GRK2: variants seen among roughly 807,000 people sequenced by gnomAD.
The protein encoded by GRK2 is adrenergic beta receptor kinase 1.
A neutral mutation model predicts 97.8 loss-of-function variants in GRK2; 23 were observed. The observed-to-expected ratio is 0.24, with a 90% CI of 0.17 to 0.33. GRK2 has a LOEUF of 0.33. GRK2 is among the 10% of genes least tolerant of loss of function. The pLI, the probability that GRK2 is intolerant of heterozygous loss-of-function variation, is 1.00. For synonymous variants in GRK2, 425 were observed against 381.7 expected, an observed-to-expected ratio of 1.11 and a Z score of -1.32; for missense variants, 633 against 956.9, an observed-to-expected ratio of 0.66 and a Z score of 4.47.
chr11:67,274,876 C>T (rs1054130642), intron 1 of GRK2, among the ~76,000 whole-genome samples: 4 of 152,132 alleles, frequency 2.6e-5, no homozygotes, highest in East Asian at 1.9e-4. Flanking sequence ...GGTGTGGACG[C>T]GGGGCCCATC....
rs929285969 is a variant in GRK2 at position 67,280,968 on chromosome 11, GCAAGGATGGC to G, written c.556-122_556-113del. ...GGAGGCCGGAGCAGGTAAATATGTG[GCAAGGATGGC>G]CAGGACATGGGTATGGGGACCCTGG... On this transcript the variant is annotated intron_variant, in intron 7 of 20. Transcript: ENST00000308595. 40 of 1,109,196 alleles carry G rather than the reference GCAAGGATGGC, an allele frequency of 3.6e-5. No homozygotes were observed. In the Admixed American group the frequency reaches 7.2e-4, roughly 20 times the overall value. 68.7% of individuals were successfully genotyped at this position (1,109,196 alleles called of 1,614,324 possible). A position where few individuals can be genotyped will look rare whatever the true frequency, so the allele number is the denominator to read the frequency against.
Position 67,285,359 on chromosome 11 carries a change from G to C in GRK2, c.1979G>C (p.Arg660Pro). ...AYREAQQLVQ[R>P]VPKMKNKPRS... is the part of the protein sequence containing the mutation. Reference sequence around the variant, plus strand: ...CGCGAGGCCCAGCAGCTGGTGCAGCGGGTGCCCAAGATGAAGAACAAGCCG... The same window carrying C: ...CGCGAGGCCCAGCAGCTGGTGCAGCCGGTGCCCAAGATGAAGAACAAGCCG... The change falls in exon 21 of 21, where the codon CGG (arginine) becomes CCG (proline). Residue 660 changes from arginine to proline, a missense_variant. By Grantham distance (103) the Arg-to-Pro change is moderately radical (BLOSUM62 -2). This residue lies in a region of GRK2 where 180 missense variants were observed against 311.3 expected (regional missense o/e 0.58). Transcript: ENST00000308595. 1 of 1,610,090 alleles carries C rather than the reference G, an allele frequency of 6.2e-7. No homozygotes were observed. The highest frequency in any genetic ancestry group is 8.5e-7 in the Non-Finnish European group (1 of 1,179,454).
intron 1 of GRK2, among the ~76,000 whole-genome samples, chr11:67,274,495 CTTTTTT>C (rs57767154): frequency 1.4e-3 from 31 of 22,480 alleles, no homozygotes; most frequent in South Asian, 3.6e-3. Context: ...TGACCAGCAC[CTTTTTT>C]TTTTTTTTTT....
chr11:67,284,411 C>A, intron 18 of GRK2, 38 bp downstream of exon 18: 1 of 1,605,930 alleles, frequency 6.2e-7, no homozygotes, highest in Non-Finnish European at 8.5e-7. Context: ...AGGCCCCTGC[C>A]TGCTTAGAAG....
intron 1 of GRK2, 47 bp from the exon 2 acceptor site, chr11:67,277,218 GCAGCCCC>G: frequency 6.3e-7 from 1 of 1,584,510 alleles, no homozygotes; most frequent in African/African-American, 1.3e-5. Context: ...TTCTGGGCCT[GCAGCCCC>G]CACGGGCTCT....
At chr11:67,280,650 G>T in intron 6 of GRK2, 82 bp from the exon 7 acceptor site, 1 of 1,506,900 alleles carries the variant, frequency 6.6e-7, no homozygotes, top group Non-Finnish European at 9.2e-7. Flanking sequence ...CCCAGGGAGT[G>T]GCGGCTGGGT....
Position 67,285,589 on chromosome 11 carries a change from G to A in GRK2, c.*139G>A, listed in dbSNP as rs1054771550. ...CCAGCCTGGCCCAGCTCCCCCGGGA[G>A]GGGCCCGCTTGCCTCGGCTCCTGCT... On this transcript the variant is annotated 3_prime_UTR_variant, in exon 21 of 21. Coordinates refer to ENST00000308595, the MANE Select transcript of GRK2 (RefSeq NM_001619.5). 1 of 1,173,122 alleles carries A rather than the reference G, an allele frequency of 8.5e-7. No homozygotes were observed. Among genetic ancestry groups the A allele is most frequent in the South Asian group, 1.7e-5 (1 of 58,728 alleles). 72.7% of individuals were successfully genotyped at this position (1,173,122 alleles called of 1,614,324 possible).
intron 6 of GRK2, 156 bp downstream of exon 6, chr11:67,280,056 T>C: frequency 2.8e-6 from 2 of 709,260 alleles, no homozygotes; most frequent in Non-Finnish European, 4.9e-6. Context: ...TCCTGAGAAG[T>C]CAGACAGGCT....
intron 2 of GRK2, 131 bp from the exon 3 acceptor site, chr11:67,279,069 G>T (rs570629180): frequency 8.0e-6 from 6 of 747,878 alleles, no homozygotes; most frequent in South Asian, 1.6e-5. Context: ...CCCACCCCTT[G>T]CCTGGGGCCG....
chr11:67,270,610 C>G (rs1428136212), intron 1 of GRK2, among the ~76,000 whole-genome samples: 1 of 152,214 alleles, frequency 6.6e-6, no homozygotes, highest in Non-Finnish European at 1.5e-5. Context: ...CAGCCTTTGT[C>G]CCTTACCCAG....
At position 67,281,218 on chromosome 11, in the gene GRK2, G is replaced by C. The variant is rs140667699; in HGVS notation, c.647+34G>C. ...CCTGCTCGGCGCGGTGGGATACCTCGGGGAGCCGGGCTCCTGGGGGACCCT... is the reference window on the plus strand; with the variant it reads ...CCTGCTCGGCGCGGTGGGATACCTCCGGGAGCCGGGCTCCTGGGGGACCCT... On this transcript the variant is annotated intron_variant, in intron 8 of 20. Coordinates refer to ENST00000308595, the MANE Select transcript of GRK2 (RefSeq NM_001619.5). This position sits in a 1 kb window ranked among gnomAD's most constrained non-coding sequence, Gnocchi z 5.7. 1 of 1,578,204 alleles carries C rather than the reference G, an allele frequency of 6.3e-7. No homozygotes were observed. Among genetic ancestry groups the C allele is most frequent in the Non-Finnish European group, 8.7e-7 (1 of 1,153,164 alleles).
chr11:67,272,829 G>A (rs1859938823), intron 1 of GRK2, among the ~76,000 whole-genome samples: 1 of 152,268 alleles, frequency 6.6e-6, no homozygotes, highest in Admixed American at 6.5e-5. Context: ...GAGCAGAGGA[G>A]TCCCACCCTG....
chr11:67,270,008 G>A (rs1859874079), intron 1 of GRK2, among the ~76,000 whole-genome samples: 1 of 152,182 alleles, frequency 6.6e-6, no homozygotes, highest in Non-Finnish European at 1.5e-5. Flanking sequence ...CTGGAAGATG[G>A]GAGGTCTGGC....
chr11:67,279,133 C>T (rs762930104), intron 2 of GRK2, 67 bp from the exon 3 acceptor site: 63 of 1,392,090 alleles, frequency 4.5e-5, no homozygotes, highest in Non-Finnish European at 6.2e-5. Context: ...CCAACCCACA[C>T]CATCCACAAT....
chr11:67,267,991 T>TCAACTC (rs1367998637), intron 1 of GRK2, among the ~76,000 whole-genome samples: 1 of 152,228 alleles, frequency 6.6e-6, no homozygotes, highest in Non-Finnish European at 1.5e-5. Context: ...ATTCTTTGTG[T>TCAACTC]CGTGTGGCAA....
intron 1 of GRK2, among the ~76,000 whole-genome samples, chr11:67,272,793 C>G (rs1268573211): frequency 6.6e-6 from 1 of 152,248 alleles, no homozygotes; most frequent in Non-Finnish European, 1.5e-5. Flanking sequence ...CGCAGTAGAG[C>G]AATGCAGTGC....
At position 67,268,727 on chromosome 11, in the gene GRK2, A is replaced by T. The variant is rs545213950; in HGVS notation, c.113+1915A>T. On this transcript the variant is annotated intron_variant, in intron 1 of 20. Transcript: ENST00000308595. Reference sequence around the variant, plus strand: ...TCTTTTCCTGTCCCCTTTCCCATCCATGGTAGTGATGGCGGTGATAGCAAT... The same window carrying T: ...TCTTTTCCTGTCCCCTTTCCCATCCTTGGTAGTGATGGCGGTGATAGCAAT... Among the ~76,000 whole-genome samples, 9 of 152,266 alleles carry T rather than the reference A, an allele frequency of 5.9e-5. No individual in the cohort carries two copies. The East Asian group carries it at 1.3e-3, about 23-fold the overall frequency.
rs1860178986 is a variant in GRK2, at chr11:67,282,610, G to A, written c.1160+68G>A. 6.4e-7 allele frequency: 1 copy of A among 1,573,886 alleles called. No individual in the cohort carries two copies. The highest frequency in any genetic ancestry group is 1.7e-5 in the Admixed American group (1 of 59,090). ...AGAAGTTCCTCCCCAATCCAGGTGG[G>A]ATGCCAAAGGAGGGGAGCCCATAGC... On this transcript the variant is annotated intron_variant, in intron 13 of 20. Coordinates refer to ENST00000308595, the MANE Select transcript of GRK2 (RefSeq NM_001619.5). The surrounding 1 kb of genome is among the most constrained non-coding windows in gnomAD (Gnocchi z 6.9).
Position 67,282,851 on chromosome 11 carries a change from GGCTGGGGGGA to G in GRK2, c.1227+37_1227+46del. 1 of 1,590,246 alleles carries G rather than the reference GGCTGGGGGGA, an allele frequency of 6.3e-7. No individual in the cohort carries two copies. The highest frequency in any genetic ancestry group is 8.5e-7 in the Non-Finnish European group (1 of 1,171,298). ...CAGGTCTCAGTGCAGGGCCGCAGGGGGCTGGGGGGAGCTCCTGTGGGTGCCAGGCCATGAC... is the reference window on the plus strand; with the variant it reads ...CAGGTCTCAGTGCAGGGCCGCAGGGGGCTCCTGTGGGTGCCAGGCCATGAC... On this transcript the variant is annotated intron_variant, in intron 14 of 20. Coordinates refer to ENST00000308595, the MANE Select transcript of GRK2 (RefSeq NM_001619.5). This position sits in a 1 kb window ranked among gnomAD's most constrained non-coding sequence, Gnocchi z 6.9.
Sources: allele counts gnomAD v4.1 joint callset (sites outside exome capture counted in the v4.1 genomes callset), GRCh38; gene constraint gnomAD v4.1.1; regional missense constraint gnomAD v4.1.1; non-coding constraint Gnocchi (gnomAD v3.1); transcripts MANE v1.5; gene names NCBI Gene and HGNC (gene_info 2026-07-23, HGNC 2026-07-21).